Variants in GLCCI1 observed in about 807,000 individuals in gnomAD.
GLCCI1 encodes glucocorticoid induced 1.
A neutral mutation model predicts 52.2 loss-of-function variants in GLCCI1; 24 were observed. The observed-to-expected ratio is 0.46, with a 90% CI of 0.33 to 0.65. GLCCI1 has a LOEUF of 0.65. Ranked by LOEUF, GLCCI1 falls within the 30% of genes least tolerant of loss-of-function variation. The pLI is 0.02. For synonymous variants in GLCCI1, 310 were observed against 276.5 expected, an observed-to-expected ratio of 1.12 and a Z score of -1.20; for missense variants, 704 against 701.5, an observed-to-expected ratio of 1.00 and a Z score of -0.04.
chr7:8,022,686 G>A (rs188126345), intron 3 of GLCCI1, 117 bp downstream of exon 3: 12 of 442,388 alleles, frequency 2.7e-5, no homozygotes, highest in African/African-American at 1.4e-4. Context: ...TTTCAGTAAG[G>A]TTAGGACAAA....
At chr7:8,075,159 T>A (rs934770646) in intron 6 of GLCCI1, among the ~76,000 whole-genome samples, 1 of 152,238 alleles carries the variant, frequency 6.6e-6, no homozygotes, top group Non-Finnish European at 1.5e-5. Context: ...GCATCGCACA[T>A]TGGTTTTTTT....
intron 4 of GLCCI1, among the ~76,000 whole-genome samples, chr7:8,056,810 C>T (rs1228286453): frequency 1.3e-5 from 2 of 152,162 alleles, no homozygotes; most frequent in Non-Finnish European, 1.5e-5. Flanking sequence ...ATGTGACTAA[C>T]TGCAAATACA....
intron 1 of GLCCI1, among the ~76,000 whole-genome samples, chr7:7,975,199 A>G (rs1231810447): frequency 6.6e-6 from 1 of 152,212 alleles, no homozygotes; most frequent in Non-Finnish European, 1.5e-5. Context: ...ATTATAATGG[A>G]TTAGCAGTAA....
chr7:8,008,342 G>A (rs1781198880), intron 2 of GLCCI1, among the ~76,000 whole-genome samples: 2 of 151,390 alleles, frequency 1.3e-5, no homozygotes, highest in African/African-American at 4.9e-5. Flanking sequence ...CTGGAGTGCG[G>A]TGATGTGATC....
chr7:8,025,711 A>G (rs1485649778), intron 3 of GLCCI1, among the ~76,000 whole-genome samples: 1 of 152,224 alleles, frequency 6.6e-6, no homozygotes, highest in Non-Finnish European at 1.5e-5. Context: ...CCATAAAAAG[A>G]AGAAAATGGG....
chr7:7,969,750 A>G lies in GLCCI1; in HGVS notation c.400A>G (p.Ser134Gly). 6.8e-7 allele frequency: 1 copy of G among 1,473,562 alleles called. No individual in the cohort carries two copies. 91.3% of individuals were successfully genotyped at this position (1,473,562 alleles called of 1,614,324 possible). Residue 134 changes from serine to glycine, a missense_variant, in exon 1 of 8, where the codon AGC (serine) becomes GGC (glycine). Physicochemically the swap from Ser to Gly is moderately conservative, Grantham distance 56 (BLOSUM62 0). Coordinates refer to ENST00000223145, the MANE Select transcript of GLCCI1 (RefSeq NM_138426.4). This position sits in a 1 kb window ranked among gnomAD's most constrained non-coding sequence, Gnocchi z 4.9. ...AKGRPRRSPESHRRSSSPERR... is the reference protein window; with the variant it reads ...AKGRPRRSPEGHRRSSSPERR... ...GGGCCGCCCGAGACGGTCCCCAGAG[A>G]GCCACCGGAGGAGCAGCTCACCTGA...
intron 1 of GLCCI1, among the ~76,000 whole-genome samples, chr7:7,985,780 T>C (rs887307687): frequency 2.0e-5 from 3 of 152,218 alleles, no homozygotes; most frequent in African/African-American, 4.8e-5. Flanking sequence ...TCATATAATA[T>C]AGTTTTAGAA....
chr7:8,014,812 G>A (rs569634087), intron 2 of GLCCI1, among the ~76,000 whole-genome samples: 2 of 152,236 alleles, frequency 1.3e-5, no homozygotes, highest in African/African-American at 4.8e-5. Flanking sequence ...GGTGAGAGAT[G>A]GGATGGTTAG....
chr7:8,078,208 TAAAAAA>T (rs5882151), intron 6 of GLCCI1, among the ~76,000 whole-genome samples: 5 of 86,236 alleles, frequency 5.8e-5, no homozygotes, highest in African/African-American at 9.6e-5. Flanking sequence ...GACTCCGTCT[TAAAAAA>T]AAAAAAAAAA....
intron 2 of GLCCI1, among the ~76,000 whole-genome samples, chr7:8,013,929 A>G (rs1781323207): frequency 6.7e-6 from 1 of 149,800 alleles, no homozygotes; most frequent in South Asian, 2.1e-4. Flanking sequence ...CTCTTTTGGA[A>G]TTGCATTTGT....
In GLCCI1 at chr7:8,065,597, G is replaced by A. The variant is rs574400800; in HGVS notation, c.967-5324G>A. On this transcript the variant is annotated intron_variant, in intron 5 of 7. Coordinates refer to ENST00000223145, the MANE Select transcript of GLCCI1 (RefSeq NM_138426.4). ...TTCCTTCAGTGCCTAGTTTGTTGGA[G>A]GTTTTTAACATGAAGGGATGTTGGA... 2.6e-4 allele frequency among the ~76,000 whole-genome samples: 40 copies of A among 152,218 alleles called. No individual in the cohort carries two copies. In the South Asian group the frequency reaches 7.7e-3, roughly 29 times the overall value.
intron 6 of GLCCI1, among the ~76,000 whole-genome samples, chr7:8,077,289 C>T (rs1271685036): frequency 6.6e-6 from 1 of 152,164 alleles, no homozygotes; most frequent in East Asian, 1.9e-4. Context: ...AGGGACCACT[C>T]CTTACACTAT....
Position 8,027,605 on chromosome 7 carries a change from G to A in GLCCI1, c.696+5036G>A, listed in dbSNP as rs114660746. Among the ~76,000 whole-genome samples the A allele has an allele frequency of 4.0e-3, 605 of 151,926 alleles. 4 individuals carry two copies. Among genetic ancestry groups the A allele is most frequent in the African/African-American group, 0.014 (565 of 41,416 alleles). On this transcript the variant is annotated intron_variant, in intron 3 of 7. Coordinates refer to ENST00000223145, the MANE Select transcript of GLCCI1 (RefSeq NM_138426.4). ...ACAAATAATAAAATGGCAGGAGTAA[G>A]TTCCTACTTATCCATAATAAAATGG...
chr7:8,039,534 G>A (rs1781949661), intron 3 of GLCCI1, among the ~76,000 whole-genome samples: 1 of 152,170 alleles, frequency 6.6e-6, no homozygotes, highest in African/African-American at 2.4e-5. Flanking sequence ...AAATAACTCA[G>A]AAGCAGTCAA....
chr7:8,049,854 C>T (rs1235525420), intron 3 of GLCCI1, among the ~76,000 whole-genome samples: 3 of 152,150 alleles, frequency 2.0e-5, no homozygotes, highest in Non-Finnish European at 2.9e-5. Flanking sequence ...TTAGCTGTTT[C>T]ACATTGGGAA....
chr7:8,067,521 T>G (rs1310552964), intron 5 of GLCCI1, among the ~76,000 whole-genome samples: 1 of 152,218 alleles, frequency 6.6e-6, no homozygotes, highest in African/African-American at 2.4e-5. Context: ...GTTCTTTCCT[T>G]TCCAGATTTA....
intron 1 of GLCCI1, among the ~76,000 whole-genome samples, chr7:7,984,128 A>G (rs1198009074): frequency 3.3e-5 from 5 of 152,280 alleles, no homozygotes; most frequent in Admixed American, 6.5e-5. Flanking sequence ...TGGCGCAATC[A>G]TGGCTCACTG....
intron 4 of GLCCI1, among the ~76,000 whole-genome samples, chr7:8,056,503 T>A (rs560671426): frequency 6.6e-6 from 1 of 152,218 alleles, no homozygotes; most frequent in Non-Finnish European, 1.5e-5. Flanking sequence ...AAATTGAGGA[T>A]TAACATTTTT....
chr7:8,039,318 C>T (rs995570137), intron 3 of GLCCI1, among the ~76,000 whole-genome samples: 7 of 152,078 alleles, frequency 4.6e-5, no homozygotes, highest in African/African-American at 7.2e-5. Context: ...ACACTATTCA[C>T]GGTAGCAAAG....
Sources: allele counts gnomAD v4.1 joint callset (sites outside exome capture counted in the v4.1 genomes callset), GRCh38; gene constraint gnomAD v4.1.1; non-coding constraint Gnocchi (gnomAD v3.1); transcripts MANE v1.5; gene names NCBI Gene and HGNC (gene_info 2026-07-23, HGNC 2026-07-21).